The following NRXN1 variants were observed in gnomAD, a reference collection of about 807,000 sequenced individuals.
The protein encoded by NRXN1 is neurexin 1, also known as neurexin-1.
A neutral mutation model predicts 150.9 loss-of-function variants in NRXN1; 39 were observed. That is an observed-to-expected ratio of 0.26 (90% CI 0.20 to 0.34). The LOEUF is 0.34. NRXN1 is among the 10% of genes least tolerant of loss of function. The pLI is 1.00. For missense variants in NRXN1, 1,815 were observed against 1,949.9 expected, an observed-to-expected ratio of 0.93 and a Z score of 1.30; for synonymous variants, 924 against 757.0, an observed-to-expected ratio of 1.22 and a Z score of -3.62.
intron 5 of NRXN1, among the ~76,000 whole-genome samples, chr2:50,909,215 G>T (rs563330626): frequency 6.6e-6 from 1 of 152,006 alleles, no homozygotes; most frequent in South Asian, 2.1e-4. Flanking sequence ...GGCAGATTTT[G>T]ATTAAAATAA....
intron 5 of NRXN1, among the ~76,000 whole-genome samples, chr2:50,829,198 T>C (rs1671022308): frequency 1.3e-5 from 2 of 151,560 alleles, no homozygotes; most frequent in Admixed American, 6.6e-5. Context: ...AGCTTCGGCT[T>C]GGCATCAGAG....
chr2:50,213,235 G>A (rs983972984), intron 18 of NRXN1, among the ~76,000 whole-genome samples: 7 of 151,790 alleles, frequency 4.6e-5, no homozygotes, highest in Admixed American at 2.0e-4. Context: ...AGCTAGGCAC[G>A]GTTTTAGGTG....
chr2:50,193,747 A>T (rs73932982), intron 18 of NRXN1, among the ~76,000 whole-genome samples: 1 of 152,164 alleles, frequency 6.6e-6, no homozygotes, highest in Non-Finnish European at 1.5e-5. Flanking sequence ...AATGGGGTCA[A>T]TTATTGGCAT....
At chr2:49,960,136 A>G (rs1302801342) in intron 21 of NRXN1, among the ~76,000 whole-genome samples, 5 of 152,196 alleles carry the variant, frequency 3.3e-5, no homozygotes, top group African/African-American at 1.2e-4. Context: ...GGAAATTTTA[A>G]GTATGTTGCC....
intron 2 of NRXN1, among the ~76,000 whole-genome samples, chr2:50,994,109 T>C (rs1023759355): frequency 6.6e-6 from 1 of 152,000 alleles, no homozygotes; most frequent in Admixed American, 6.6e-5. Flanking sequence ...AGATAGGGAT[T>C]GTCATTGTCT....
At chr2:50,701,321 C>G (rs1157500922) in intron 5 of NRXN1, among the ~76,000 whole-genome samples, 1 of 152,126 alleles carries the variant, frequency 6.6e-6, no homozygotes, top group African/African-American at 2.4e-5. Context: ...ATTGACTCTT[C>G]CAGAGTTGCT....
At chr2:50,367,600 C>G (rs1389169234) in intron 17 of NRXN1, among the ~76,000 whole-genome samples, 1 of 152,026 alleles carries the variant, frequency 6.6e-6, no homozygotes, top group Non-Finnish European at 1.5e-5. Context: ...TTACTGCCTC[C>G]TCATCCTGAG....
At chr2:50,187,908 C>T (rs2061192555) in intron 18 of NRXN1, among the ~76,000 whole-genome samples, 1 of 152,060 alleles carries the variant, frequency 6.6e-6, no homozygotes, top group Non-Finnish European at 1.5e-5. Flanking sequence ...TATTAGAATG[C>T]TTGTGATTTT....
intron 21 of NRXN1, among the ~76,000 whole-genome samples, chr2:50,041,703 A>C (rs1337081963): frequency 6.6e-6 from 1 of 152,244 alleles, no homozygotes; most frequent in Non-Finnish European, 1.5e-5. Context: ...TTTAAAAACA[A>C]TAACAAAGGT....
chr2:50,918,755 G>A (rs562254462), intron 5 of NRXN1: 4 of 313,234 alleles, frequency 1.3e-5, no homozygotes, highest in South Asian at 1.6e-4. Flanking sequence ...AAGGCAAACA[G>A]ATAAACCTAA....
At chr2:50,544,424 G>T (rs1185586149) in intron 9 of NRXN1, among the ~76,000 whole-genome samples, 1 of 151,858 alleles carries the variant, frequency 6.6e-6, no homozygotes, top group African/African-American at 2.4e-5. Flanking sequence ...GGTTTTTAAA[G>T]AAATAAAATT....
intron 19 of NRXN1, 130 bp from the exon 20 acceptor site, chr2:50,055,174 C>A: frequency 1.7e-6 from 1 of 580,660 alleles, no homozygotes. Flanking sequence ...AAAGTTCTAC[C>A]TAGAACATTT....
At chr2:50,788,954 G>C (rs1705548786) in intron 5 of NRXN1, among the ~76,000 whole-genome samples, 1 of 152,104 alleles carries the variant, frequency 6.6e-6, no homozygotes, top group Non-Finnish European at 1.5e-5. Flanking sequence ...CAGGGAGATG[G>C]AAAAACATGA....
intron 9 of NRXN1, among the ~76,000 whole-genome samples, chr2:50,542,986 T>C (rs144647654): frequency 5.3e-5 from 8 of 152,256 alleles, no homozygotes; most frequent in African/African-American, 4.8e-5. Flanking sequence ...AAAGAACACA[T>C]CAAATTAATA....
intron 17 of NRXN1, among the ~76,000 whole-genome samples, chr2:50,440,259 C>G (rs1278596605): frequency 6.6e-6 from 1 of 152,206 alleles, no homozygotes; most frequent in South Asian, 2.1e-4. Context: ...AGTCTGGTTC[C>G]AGATGACATA....
intron 17 of NRXN1, among the ~76,000 whole-genome samples, chr2:50,270,100 T>C (rs944314557): frequency 6.6e-6 from 1 of 152,068 alleles, no homozygotes; most frequent in Non-Finnish European, 1.5e-5. Flanking sequence ...GAAATTTGTA[T>C]TTCAAGGTAC....
intron 5 of NRXN1, among the ~76,000 whole-genome samples, chr2:50,721,459 C>T (rs1367430948): frequency 6.6e-6 from 1 of 152,162 alleles, no homozygotes; most frequent in Non-Finnish European, 1.5e-5. Context: ...GTGCAGTAAC[C>T]ACTTTTGTAT....
At chr2:50,098,338 T>C (rs1022632062) in intron 18 of NRXN1, among the ~76,000 whole-genome samples, 1 of 151,558 alleles carries the variant, frequency 6.6e-6, no homozygotes, top group African/African-American at 2.4e-5. Context: ...CACAAAAGAG[T>C]TGAGGGAGTG....
At chr2:50,198,718 A>G (rs567672049) in intron 18 of NRXN1, among the ~76,000 whole-genome samples, 1 of 152,132 alleles carries the variant, frequency 6.6e-6, no homozygotes, top group African/African-American at 2.4e-5. Context: ...CTAAAACCCC[A>G]TTCTAGATTA....
Sources: gnomAD v4.1 joint callset for allele counts (sites outside exome capture counted in the v4.1 genomes callset) on GRCh38, gnomAD v4.1.1 for gene constraint, MANE v1.5 for transcripts, NCBI Gene and HGNC (gene_info 2026-07-23, HGNC 2026-07-21) for gene names.